The following ADCY9 variants were observed in gnomAD, a reference collection of about 807,000 sequenced individuals.
ADCY9 encodes adenylate cyclase 9.
In ADCY9, 50 loss-of-function variants were observed where a neutral mutation model predicts 101.5. That is an observed-to-expected ratio of 0.49 (90% CI 0.39 to 0.62). The LOEUF is 0.62. Among genes scored for constraint, ADCY9 ranks in the 20% least tolerant of loss-of-function variants. ADCY9 has a pLI of 0.00. For missense variants in ADCY9, 1,662 were observed against 1,800.4 expected, an observed-to-expected ratio of 0.92 and a Z score of 1.39; for synonymous variants, 905 against 769.3, an observed-to-expected ratio of 1.18 and a Z score of -2.92.
chr16:4,052,271 C>T (rs1409590372), intron 2 of ADCY9, among the ~76,000 whole-genome samples: 1 of 152,218 alleles, frequency 6.6e-6, no homozygotes, highest in African/African-American at 2.4e-5. Flanking sequence ...ACAGACGGCG[C>T]CTGTGGTCCT....
At chr16:3,976,488 T>G (rs577392155) in intron 9 of ADCY9, among the ~76,000 whole-genome samples, 1 of 152,300 alleles carries the variant, frequency 6.6e-6, no homozygotes, top group African/African-American at 2.4e-5. Flanking sequence ...CCCTGACTCC[T>G]GTTTCTGTGT....
At chr16:4,085,829 G>C (rs150823364) in intron 2 of ADCY9, among the ~76,000 whole-genome samples, 1 of 152,132 alleles carries the variant, frequency 6.6e-6, no homozygotes, top group East Asian at 1.9e-4. Context: ...CATCGGTGCA[G>C]GCTCGAGAGT....
At chr16:4,082,791 G>A (rs968557892) in intron 2 of ADCY9, among the ~76,000 whole-genome samples, 1 of 152,224 alleles carries the variant, frequency 6.6e-6, no homozygotes, top group Non-Finnish European at 1.5e-5. Flanking sequence ...CCCACCCGCA[G>A]TAAGTAGCTG....
chr16:4,087,767 C>T (rs1364470162), intron 2 of ADCY9, among the ~76,000 whole-genome samples: 1 of 151,304 alleles, frequency 6.6e-6, no homozygotes, highest in Admixed American at 6.6e-5. Flanking sequence ...TTACTATTTG[C>T]TCGGATACTA....
intron 5 of ADCY9, among the ~76,000 whole-genome samples, chr16:3,956,399 C>G (rs2055906161): frequency 6.7e-6 from 1 of 150,324 alleles, no homozygotes; most frequent in South Asian, 2.1e-4. Flanking sequence ...ATTGTGTAAT[C>G]AACAAGTTAG....
intron 2 of ADCY9, among the ~76,000 whole-genome samples, chr16:4,068,740 C>T (rs2056815459): frequency 6.6e-6 from 1 of 151,716 alleles, no homozygotes; most frequent in African/African-American, 2.4e-5. Context: ...TGGTGTGAAC[C>T]CAGGAGGCGG....
intron 2 of ADCY9, among the ~76,000 whole-genome samples, chr16:4,065,941 T>C (rs1054927829): frequency 6.6e-6 from 1 of 152,196 alleles, no homozygotes; most frequent in Non-Finnish European, 1.5e-5. Context: ...TGACCTCAGG[T>C]GATCTGCCCG....
intron 2 of ADCY9, among the ~76,000 whole-genome samples, chr16:4,100,684 A>G (rs956563066): frequency 6.7e-6 from 1 of 149,860 alleles, no homozygotes; most frequent in Non-Finnish European, 1.5e-5. Context: ...TGGAAGCTAC[A>G]GTGAGCCGAG....
chr16:4,091,035 T>TA (rs1314650946), intron 2 of ADCY9, among the ~76,000 whole-genome samples: 1 of 151,862 alleles, frequency 6.6e-6, no homozygotes, highest in Non-Finnish European at 1.5e-5. Context: ...GGTAACTTTT[T>TA]ACAGGGTCTT....
chr16:3,993,253 G>T, intron 4 of ADCY9, 153 bp downstream of exon 4: 1 of 1,362,432 alleles, frequency 7.3e-7, no homozygotes. Flanking sequence ...CTCCCTGCCG[G>T]TCTCTTCAAC....
chr16:4,085,058 G>A (rs2056928891), intron 2 of ADCY9, among the ~76,000 whole-genome samples: 2 of 152,088 alleles, frequency 1.3e-5, no homozygotes, highest in African/African-American at 2.4e-5. Context: ...AACACCCAGA[G>A]GCTGAAAGGG....
chr16:4,018,543 G>A lies in ADCY9; in HGVS notation c.1694-10985C>T, dbSNP rs146797955. ...TGAACATGCGTGACTAACCTTCCGC[G>A]GGAGCAGTCATGCCGCTGCCTTCAC... On this transcript the variant is annotated intron_variant, in intron 2 of 10. Transcript: ENST00000294016. Among the ~76,000 whole-genome samples, 475 of 152,234 alleles carry A rather than the reference G, an allele frequency of 3.1e-3. 6 individuals carry two copies. The Middle Eastern group carries it at 0.045, about 14-fold the overall frequency.
chr16:4,059,009 G>A (rs1304530569), intron 2 of ADCY9, among the ~76,000 whole-genome samples: 1 of 152,112 alleles, frequency 6.6e-6, no homozygotes, highest in Non-Finnish European at 1.5e-5. Context: ...TTTAAGGGAT[G>A]GGATTAGTAA....
chr16:4,064,276 A>G (rs1312495127), intron 2 of ADCY9, among the ~76,000 whole-genome samples: 3 of 152,188 alleles, frequency 2.0e-5, no homozygotes, highest in Non-Finnish European at 4.4e-5. Context: ...AGGTTCTTGG[A>G]TTGAAGGACT....
chr16:4,112,206 T>C (rs2141210314), intron 2 of ADCY9, among the ~76,000 whole-genome samples: 1 of 152,172 alleles, frequency 6.6e-6, no homozygotes, highest in South Asian at 2.1e-4. Flanking sequence ...CAAGAGCGAG[T>C]GCCACCGCCC....
chr16:4,110,110 A>G (rs1286346619), intron 2 of ADCY9, among the ~76,000 whole-genome samples: 1 of 151,746 alleles, frequency 6.6e-6, no homozygotes, highest in Non-Finnish European at 1.5e-5. Flanking sequence ...TCCCGAACAT[A>G]CTCCACAACA....
intron 2 of ADCY9, among the ~76,000 whole-genome samples, chr16:4,112,719 TA>T (rs989152366): frequency 2.0e-5 from 3 of 151,942 alleles, no homozygotes; most frequent in Admixed American, 1.3e-4. Context: ...AGCAGGCTTT[TA>T]AAAAAAATCA....
At chr16:4,018,511 C>G (rs932857376) in intron 2 of ADCY9, among the ~76,000 whole-genome samples, 8 of 152,192 alleles carry the variant, frequency 5.3e-5, no homozygotes, top group Admixed American at 3.9e-4. Flanking sequence ...CCGCGCCCGG[C>G]TGATGCTGAA....
At chr16:4,066,491 A>G (rs1393642852) in intron 2 of ADCY9, among the ~76,000 whole-genome samples, 3 of 152,118 alleles carry the variant, frequency 2.0e-5, no homozygotes, top group Non-Finnish European at 4.4e-5. Flanking sequence ...GGTTCAAACA[A>G]TCCTCCTACC....
Sources: gnomAD v4.1 joint callset for allele counts (sites outside exome capture counted in the v4.1 genomes callset) on GRCh38, gnomAD v4.1.1 for gene constraint, MANE v1.5 for transcripts, NCBI Gene and HGNC (gene_info 2026-07-23, HGNC 2026-07-21) for gene names.